Variants in TCERG1L observed in about 807,000 individuals in gnomAD.
TCERG1L encodes the protein transcription elongation regulator 1 like.
A neutral mutation model predicts 56.3 loss-of-function variants in TCERG1L; 37 were observed. The ratio of observed to expected loss-of-function variants is 0.66; its 90% confidence interval spans 0.51 to 0.87. The LOEUF (loss-of-function observed/expected upper bound fraction) is 0.87. Ranked by LOEUF, TCERG1L falls within the 40% of genes least tolerant of loss-of-function variation. The probability of loss-of-function intolerance (pLI) is 0.00; values close to 1 mark genes in which losing one functional copy is unlikely to be tolerated. For missense variants in TCERG1L, 799 were observed against 774.2 expected (o/e 1.03, Z -0.38); for synonymous variants, 324 against 326.3 (o/e 0.99, Z 0.08).
At chr10:131,149,988 A>G (rs1385228213) in intron 6 of TCERG1L, among the ~76,000 whole-genome samples, 1 of 152,202 alleles carries the variant, frequency 6.6e-6, no homozygotes, top group Non-Finnish European at 1.5e-5. Flanking sequence ...AAGAGGGCCC[A>G]TTTCTAACAG....
intron 4 of TCERG1L, among the ~76,000 whole-genome samples, chr10:131,214,301 A>G (rs1845646982): frequency 6.6e-6 from 1 of 151,736 alleles, no homozygotes; most frequent in South Asian, 2.1e-4. Context: ...TGGGACCCCC[A>G]GGGAGTCTGG....
At chr10:131,229,845 GATAATA>G (rs889671794) in intron 4 of TCERG1L, among the ~76,000 whole-genome samples, 1 of 152,012 alleles carries the variant, frequency 6.6e-6, no homozygotes, top group African/African-American at 2.4e-5. Context: ...TTAAAGAAGT[GATAATA>G]ATAATAAAGA....
intron 4 of TCERG1L, among the ~76,000 whole-genome samples, chr10:131,207,533 T>C (rs1168092644): frequency 6.6e-6 from 1 of 152,166 alleles, no homozygotes; most frequent in Non-Finnish European, 1.5e-5. Flanking sequence ...GTTGCTACCA[T>C]TTTGTTCTCC....
chr10:131,258,588 G>A (rs1002930512), intron 4 of TCERG1L, among the ~76,000 whole-genome samples: 4 of 152,192 alleles, frequency 2.6e-5, no homozygotes, highest in African/African-American at 9.7e-5. Context: ...TGTCCTATGG[G>A]CAGGGTTTCC....
At chr10:131,102,402 C>T (rs755109084) in intron 10 of TCERG1L, among the ~76,000 whole-genome samples, 2 of 152,120 alleles carry the variant, frequency 1.3e-5, no homozygotes, top group Non-Finnish European at 1.5e-5. Context: ...TTGGTTACAA[C>T]GAGCAACGCG....
At chr10:131,301,470 A>C (rs781472063) in intron 3 of TCERG1L, among the ~76,000 whole-genome samples, 8 of 152,122 alleles carry the variant, frequency 5.3e-5, no homozygotes, top group African/African-American at 2.4e-5. Context: ...AGATATTTTG[A>C]AAACTGACAT....
intron 7 of TCERG1L, among the ~76,000 whole-genome samples, chr10:131,136,882 C>T (rs148675496): frequency 0.035 from 5,281 of 151,692 alleles, 196 homozygotes; most frequent in South Asian, 0.19. Flanking sequence ...TGGCTCACGC[C>T]TGTAATCCCA....
chr10:131,176,994 G>A (rs1207611137), intron 4 of TCERG1L, among the ~76,000 whole-genome samples: 2 of 57,738 alleles, frequency 3.5e-5, no homozygotes. Context: ...CAAGACAGGT[G>A]TACACACAGA....
At chr10:131,222,510 G>C (rs1469546522) in intron 4 of TCERG1L, among the ~76,000 whole-genome samples, 4 of 152,228 alleles carry the variant, frequency 2.6e-5, no homozygotes, top group Non-Finnish European at 5.9e-5. Context: ...CCGCCACACT[G>C]GTGTGAGTGC....
chr10:131,149,966 G>A (rs1410142801), intron 6 of TCERG1L, among the ~76,000 whole-genome samples: 3 of 152,238 alleles, frequency 2.0e-5, no homozygotes, highest in Non-Finnish European at 4.4e-5. Flanking sequence ...CAAGCCTGAA[G>A]CTCCCAGCAG....
At position 131,311,449 on chromosome 10, in the gene TCERG1L, G is replaced by A; in HGVS notation, c.187C>T (p.Leu63Phe). Residue 63 changes from leucine (L) to phenylalanine (F), a missense_variant, in exon 1 of 12, where the codon CTC becomes TTC. Physicochemically the swap from Leu to Phe is conservative, Grantham distance 22 (BLOSUM62 0). Coordinates refer to ENST00000368642, the MANE Select transcript of TCERG1L (RefSeq NM_174937.4). The surrounding 1 kb of genome is among the most constrained non-coding windows in gnomAD (Gnocchi z 4.0). ...GCCGCGGGCGGCGGGGCCGAGGCGAGCAGCACCGGGGGAACCACGACCCCC... is the reference window on the plus strand; with the variant it reads ...GCCGCGGGCGGCGGGGCCGAGGCGAACAGCACCGGGGGAACCACGACCCCC... ...SAGVVVPPVLLASAPPPAAPL... is the reference protein window; with the variant it reads ...SAGVVVPPVLFASAPPPAAPL... The A allele has an allele frequency of 8.5e-7, 1 of 1,178,172 alleles. No homozygotes were observed. The allele number at this position is 1,178,172 out of a possible 1,614,324, so 73.0% of individuals were successfully genotyped here.
intron 4 of TCERG1L, among the ~76,000 whole-genome samples, chr10:131,210,069 GAAGTGACATAA>G (rs1845600381): frequency 6.6e-6 from 1 of 152,188 alleles, no homozygotes; most frequent in Non-Finnish European, 1.5e-5. Flanking sequence ...AGAAGGAACA[GAAGTGACATAA>G]AGATCACCTG....
chr10:131,173,041 C>T (rs1846110147), intron 4 of TCERG1L, among the ~76,000 whole-genome samples: 1 of 151,988 alleles, frequency 6.6e-6, no homozygotes, highest in Non-Finnish European at 1.5e-5. Flanking sequence ...CAGGGGCCCG[C>T]CACCACGCCC....
At chr10:131,235,519 A>G (rs1264619586) in intron 4 of TCERG1L, among the ~76,000 whole-genome samples, 1 of 152,218 alleles carries the variant, frequency 6.6e-6, no homozygotes, top group Non-Finnish European at 1.5e-5. Context: ...AAGAACAACT[A>G]AAAACGATAT....
At chr10:131,251,689 T>C (rs1010645252) in intron 4 of TCERG1L, among the ~76,000 whole-genome samples, 6 of 152,348 alleles carry the variant, frequency 3.9e-5, no homozygotes, top group South Asian at 4.1e-4. Context: ...GCTGTTCTTC[T>C]GACCCTCTCC....
chr10:131,285,947 A>G (rs901339690), intron 3 of TCERG1L, among the ~76,000 whole-genome samples: 1 of 152,264 alleles, frequency 6.6e-6, no homozygotes, highest in African/African-American at 2.4e-5. Context: ...ATACATTTGA[A>G]GCATCTGCTC....
intron 6 of TCERG1L, among the ~76,000 whole-genome samples, chr10:131,158,717 C>A (rs1162973928): frequency 6.6e-6 from 1 of 152,232 alleles, no homozygotes; most frequent in Admixed American, 6.5e-5. Flanking sequence ...CTGACCTGAG[C>A]TGACAGCCCG....
At chr10:131,164,892 C>T (rs1846015556) in intron 5 of TCERG1L, among the ~76,000 whole-genome samples, 1 of 152,164 alleles carries the variant, frequency 6.6e-6, no homozygotes, top group South Asian at 2.1e-4. Context: ...GCAACATCAG[C>T]CATGCACAGG....
chr10:131,307,890 C>G (rs1001240229), intron 3 of TCERG1L, among the ~76,000 whole-genome samples: 2 of 152,048 alleles, frequency 1.3e-5, no homozygotes, highest in African/African-American at 4.8e-5. Flanking sequence ...GTAGACTGAT[C>G]AATTAGTGCC....
Sources: allele counts gnomAD v4.1 joint callset (sites outside exome capture counted in the v4.1 genomes callset), GRCh38; gene constraint gnomAD v4.1.1; non-coding constraint Gnocchi (gnomAD v3.1); transcripts MANE v1.5; gene names NCBI Gene and HGNC (gene_info 2026-07-23, HGNC 2026-07-21).